The following MAGI2 variants were observed in gnomAD, a reference collection of about 807,000 sequenced individuals.
The protein encoded by MAGI2 is membrane associated guanylate kinase, WW and PDZ domain containing 2.
MAGI2 carries 35 observed loss-of-function variants against 133.3 expected under a neutral mutation model. The observed-to-expected ratio is 0.26, with a 90% CI of 0.20 to 0.35. The LOEUF is 0.35. Among genes scored for constraint, MAGI2 ranks in the 10% least tolerant of loss-of-function variants. The pLI, the probability that MAGI2 is intolerant of heterozygous loss-of-function variation, is 1.00. For synonymous variants in MAGI2, 729 were observed against 710.6 expected, an observed-to-expected ratio of 1.03 and a Z score of -0.41; for missense variants, 1,636 against 1,863.4, an observed-to-expected ratio of 0.88 and a Z score of 2.25.
intron 1 of MAGI2, among the ~76,000 whole-genome samples, chr7:79,056,320 C>T (rs896535009): frequency 3.9e-5 from 6 of 152,048 alleles, no homozygotes; most frequent in Admixed American, 6.6e-5. Context: ...AAGCTATGAT[C>T]GCATCACTGC....
At chr7:78,192,303 A>G (rs963268495) in intron 12 of MAGI2, among the ~76,000 whole-genome samples, 1 of 152,206 alleles carries the variant, frequency 6.6e-6, no homozygotes, top group African/African-American at 2.4e-5. Context: ...AGGAATAAGA[A>G]TAGGAATGGT....
At chr7:78,474,418 C>T (rs545668539) in intron 6 of MAGI2, among the ~76,000 whole-genome samples, 158 of 152,096 alleles carry the variant, frequency 1.0e-3, no homozygotes, top group Middle Eastern at 6.8e-3. Context: ...AAGGTAATTT[C>T]AAAACCATGC....
chr7:78,449,611 A>G (rs997537573), intron 6 of MAGI2, among the ~76,000 whole-genome samples: 1 of 152,070 alleles, frequency 6.6e-6, no homozygotes, highest in Non-Finnish European at 1.5e-5. Context: ...CTGATTTTGT[A>G]TAGAATAAGT....
chr7:78,528,027 TG>T (rs748317634), intron 3 of MAGI2, among the ~76,000 whole-genome samples: 101 of 152,232 alleles, frequency 6.6e-4, no homozygotes, highest in Non-Finnish European at 1.3e-3. Context: ...GAATGAATTT[TG>T]GATAGTGGTT....
chr7:78,631,535 A>G (rs568356408), intron 2 of MAGI2, among the ~76,000 whole-genome samples: 1 of 152,250 alleles, frequency 6.6e-6, no homozygotes, highest in Non-Finnish European at 1.5e-5. Context: ...GGGTTGAAAA[A>G]GGGAGGGAGA....
At chr7:78,056,366 T>G (rs549260490) in intron 21 of MAGI2, among the ~76,000 whole-genome samples, 1 of 152,178 alleles carries the variant, frequency 6.6e-6, no homozygotes, top group Admixed American at 6.5e-5. Flanking sequence ...GATATATGGA[T>G]GCATATGTTT....
intron 2 of MAGI2, among the ~76,000 whole-genome samples, chr7:78,795,683 C>T (rs186382493): frequency 6.6e-6 from 1 of 151,964 alleles, no homozygotes; most frequent in African/African-American, 2.4e-5. Context: ...CAAAAGGCTC[C>T]AAATAGGCAA....
At chr7:78,349,393 G>A (rs1410141203) in intron 7 of MAGI2, among the ~76,000 whole-genome samples, 1 of 152,082 alleles carries the variant, frequency 6.6e-6, no homozygotes, top group Non-Finnish European at 1.5e-5. Flanking sequence ...TATCCGTTTT[G>A]CTAGGTCATT....
At chr7:79,212,647 A>C (rs1382142295) in intron 1 of MAGI2, among the ~76,000 whole-genome samples, 2 of 152,012 alleles carry the variant, frequency 1.3e-5, no homozygotes, top group Non-Finnish European at 1.5e-5. Flanking sequence ...TTACAGGGCC[A>C]CCTGTTCTGT....
chr7:79,114,197 C>T (rs913156879), intron 1 of MAGI2, among the ~76,000 whole-genome samples: 3 of 152,152 alleles, frequency 2.0e-5, no homozygotes, highest in Non-Finnish European at 4.4e-5. Context: ...GCATTTCACC[C>T]TGTATTTAAT....
At chr7:78,295,370 T>TAACA (rs1164790359) in intron 9 of MAGI2, among the ~76,000 whole-genome samples, 4 of 152,184 alleles carry the variant, frequency 2.6e-5, no homozygotes, top group Non-Finnish European at 5.9e-5. Flanking sequence ...TCTCTTAGAC[T>TAACA]AACAGGAGAA....
intron 3 of MAGI2, among the ~76,000 whole-genome samples, chr7:78,538,339 G>A (rs1399118435): frequency 6.6e-6 from 1 of 152,080 alleles, no homozygotes; most frequent in Non-Finnish European, 1.5e-5. Context: ...TGAATTTTAG[G>A]TTGTCTTTTC....
At chr7:78,177,574 G>A (rs1369278001) in intron 14 of MAGI2, among the ~76,000 whole-genome samples, 1 of 152,130 alleles carries the variant, frequency 6.6e-6, no homozygotes, top group African/African-American at 2.4e-5. Flanking sequence ...AAATCTGGCT[G>A]AGATTCTGCA....
chr7:78,036,214 G>A (rs1810202252), intron 21 of MAGI2, among the ~76,000 whole-genome samples: 1 of 152,170 alleles, frequency 6.6e-6, no homozygotes, highest in African/African-American at 2.4e-5. Context: ...CTAGAGTGAG[G>A]CAGTGTAGAT....
chr7:78,607,247 G>A (rs1262377477), intron 3 of MAGI2, among the ~76,000 whole-genome samples: 1 of 152,020 alleles, frequency 6.6e-6, no homozygotes, highest in Non-Finnish European at 1.5e-5. Flanking sequence ...GGCTGCTAGG[G>A]GGCAGTCATG....
intron 1 of MAGI2, among the ~76,000 whole-genome samples, chr7:79,104,022 G>A (rs973286769): frequency 5.3e-5 from 8 of 152,064 alleles, no homozygotes; most frequent in Admixed American, 1.3e-4. Flanking sequence ...ATTAAGTGGT[G>A]GCTACATGGT....
At chr7:78,263,664 T>C (rs1287008456) in intron 9 of MAGI2, among the ~76,000 whole-genome samples, 5 of 152,074 alleles carry the variant, frequency 3.3e-5, no homozygotes, top group Non-Finnish European at 7.4e-5. Flanking sequence ...ATTCTCCATA[T>C]CCAGCGGCTG....
chr7:79,446,062 A>G (rs140839412), intron 1 of MAGI2, among the ~76,000 whole-genome samples: 3,299 of 152,286 alleles, frequency 0.022, 108 homozygotes, highest in African/African-American at 0.075. Flanking sequence ...AAATTATCAC[A>G]AGGACAAAAT....
At chr7:78,490,737 A>G (rs909719675) in intron 5 of MAGI2, among the ~76,000 whole-genome samples, 6 of 152,120 alleles carry the variant, frequency 3.9e-5, no homozygotes, top group African/African-American at 7.2e-5. Flanking sequence ...TTACAATTCA[A>G]GAACCACTCA....
Sources: gnomAD v4.1 joint callset for allele counts (sites outside exome capture counted in the v4.1 genomes callset) on GRCh38, gnomAD v4.1.1 for gene constraint, MANE v1.5 for transcripts, NCBI Gene and HGNC (gene_info 2026-07-23, HGNC 2026-07-21) for gene names.